The following NEGR1 variants were observed in gnomAD, a reference collection of about 807,000 sequenced individuals.
The protein encoded by NEGR1 is neuronal growth regulator 1.
NEGR1 carries 10 observed loss-of-function variants against 40.9 expected under a neutral mutation model. That is an observed-to-expected ratio of 0.24 (90% confidence interval 0.15 to 0.42). NEGR1 has a LOEUF of 0.42. Ranked by LOEUF, NEGR1 falls within the 10% of genes least tolerant of loss-of-function variation. The pLI, the probability that NEGR1 is intolerant of heterozygous loss-of-function variation, is 1.00. For synonymous variants in NEGR1, 185 were observed against 166.8 expected (o/e 1.11, Z -0.84); for missense variants, 352 against 438.9 (o/e 0.80, Z 1.77).
At chr1:71,897,643 T>A (rs1661009339) in intron 2 of NEGR1, among the ~76,000 whole-genome samples, 2 of 152,332 alleles carry the variant, frequency 1.3e-5, no homozygotes, top group African/African-American at 4.8e-5. Flanking sequence ...TAGAATGAAT[T>A]TACTGCCTAG....
In NEGR1 at chr1:71,407,425, G is replaced by A. The variant is rs755709503; in HGVS notation, c.*21C>T. The stretch of plus-strand genomic sequence containing the variant: ...CAGCACTTTCAGAGAATCCTTAAAA[G>A]CCTTTTATGGGTCTTTGAATTTATT... On this transcript the variant is annotated 3_prime_UTR_variant, in exon 7 of 7. Coordinates refer to ENST00000357731, the MANE Select transcript of NEGR1 (RefSeq NM_173808.3). 1.9e-6 allele frequency: 3 copies of A among 1,608,912 alleles called. No homozygotes were observed. The highest frequency in any genetic ancestry group is 2.2e-5 in the South Asian group (2 of 90,662).
chr1:72,252,171 T>TCTCGGCTCACCACAACCTCCATCTCCC (rs1553153926), intron 1 of NEGR1, among the ~76,000 whole-genome samples: 12 of 147,838 alleles, frequency 8.1e-5, no homozygotes, highest in African/African-American at 3.2e-4. Context: ...AATGGGGCGA[T>TCTCGGCTCACCACAACCTCCATCTCCC]GTAGCTGGGA....
At chr1:71,723,139 TG>T (rs1435366945) in intron 3 of NEGR1, among the ~76,000 whole-genome samples, 1 of 152,164 alleles carries the variant, frequency 6.6e-6, no homozygotes, top group Non-Finnish European at 1.5e-5. Flanking sequence ...GTAATTTGAC[TG>T]TAATGTGCCT....
chr1:72,220,666 A>G (rs1365193810), intron 1 of NEGR1, among the ~76,000 whole-genome samples: 1 of 152,042 alleles, frequency 6.6e-6, no homozygotes, highest in Admixed American at 6.6e-5. Context: ...CCTGTAACAG[A>G]ATTAAGATAT....
intron 1 of NEGR1, among the ~76,000 whole-genome samples, chr1:72,213,768 GC>G (rs1256437846): frequency 1.3e-5 from 2 of 151,974 alleles, no homozygotes; most frequent in Non-Finnish European, 2.9e-5. Flanking sequence ...CAGATTCACA[GC>G]TGAATTCTAC....
rs375715405 is a variant in NEGR1, at chr1:72,132,500, C to A, written c.176+149819G>T. 4.6e-5 allele frequency among the ~76,000 whole-genome samples: 7 copies of A among 152,146 alleles called. No homozygotes were observed. The East Asian group carries it at 1.2e-3, about 25-fold the overall frequency. On this transcript the variant is annotated intron_variant, in intron 1 of 6. Coordinates refer to ENST00000357731, the MANE Select transcript of NEGR1 (RefSeq NM_173808.3). ...CATGAAAACAAACAAACAAAATAAACAAACAAAAAACTTGGGTTTGAATGA... is the reference window on the plus strand; with the variant it reads ...CATGAAAACAAACAAACAAAATAAAAAAACAAAAAACTTGGGTTTGAATGA...
chr1:71,537,682 C>T (rs1028473087), intron 6 of NEGR1, among the ~76,000 whole-genome samples: 6 of 151,676 alleles, frequency 4.0e-5, no homozygotes, highest in Non-Finnish European at 7.4e-5. Context: ...GTTAGCATAA[C>T]AGAATTACAC....
chr1:72,153,220 A>G (rs1335212958), intron 1 of NEGR1, among the ~76,000 whole-genome samples: 1 of 151,926 alleles, frequency 6.6e-6, no homozygotes, highest in African/African-American at 2.4e-5. Context: ...GAAATAGGAA[A>G]CAAAGACATG....
intron 6 of NEGR1, among the ~76,000 whole-genome samples, chr1:71,550,588 A>T (rs1648042899): frequency 6.6e-6 from 1 of 151,440 alleles, no homozygotes; most frequent in Non-Finnish European, 1.5e-5. Context: ...AGGCCCACAA[A>T]TTCATACTTT....
At chr1:71,753,607 T>C (rs1455149888) in intron 3 of NEGR1, among the ~76,000 whole-genome samples, 2 of 152,186 alleles carry the variant, frequency 1.3e-5, no homozygotes, top group African/African-American at 2.4e-5. Context: ...GACTGTCTTC[T>C]GCCTGGGGAT....
intron 1 of NEGR1, among the ~76,000 whole-genome samples, chr1:72,252,284 T>A (rs1405963108): frequency 6.6e-6 from 1 of 152,248 alleles, no homozygotes; most frequent in Non-Finnish European, 1.5e-5. Context: ...CCTAACGTGA[T>A]CCACCCACCT....
chr1:71,606,723 A>C (rs1400855565), intron 5 of NEGR1, among the ~76,000 whole-genome samples: 1 of 151,444 alleles, frequency 6.6e-6, no homozygotes, highest in Admixed American at 6.6e-5. Context: ...ATGAGATAAA[A>C]GAATTCAAAG....
chr1:71,682,730 G>A (rs1652880635), intron 4 of NEGR1, among the ~76,000 whole-genome samples: 1 of 152,168 alleles, frequency 6.6e-6, no homozygotes, highest in South Asian at 2.1e-4. Context: ...TGGAGGCAAG[G>A]CCCCAGTGGG....
rs559016661 is a variant in NEGR1, at chr1:71,396,032, T to G, written c.*11414A>C. On this transcript the variant is annotated 3_prime_UTR_variant, in exon 7 of 7. Transcript: ENST00000357731. ...TGAAGCCCCATTCCAGAGAAGACAT[T>G]GCTTTTTATGATAGATCCAGGCAAC... 2.0e-5 allele frequency: 3 copies of G among 152,276 alleles called. No homozygotes were observed. The highest frequency in any genetic ancestry group is 3.9e-4 in the East Asian group (2 of 5,178). 9.4% of individuals were successfully genotyped at this position (152,276 alleles called of 1,614,324 possible). A position where few individuals can be genotyped will look rare whatever the true frequency, so the allele number is the denominator to read the frequency against.
chr1:71,935,935 A>AT (rs1205329772), intron 1 of NEGR1, among the ~76,000 whole-genome samples: 1 of 152,130 alleles, frequency 6.6e-6, no homozygotes, highest in African/African-American at 2.4e-5. Flanking sequence ...AGTAGCTGGG[A>AT]TTACAAGCGC....
At chr1:71,877,052 CTG>C (rs139901009) in intron 2 of NEGR1, among the ~76,000 whole-genome samples, 3,108 of 151,680 alleles carry the variant, frequency 0.02, 68 homozygotes, top group South Asian at 0.1. Flanking sequence ...GCAACAAAGA[CTG>C]TACAGATTAG....
At chr1:71,927,671 G>A (rs1255362723) in intron 2 of NEGR1, among the ~76,000 whole-genome samples, 1 of 151,482 alleles carries the variant, frequency 6.6e-6, no homozygotes, top group Non-Finnish European at 1.5e-5. Context: ...ACTGGATAAA[G>A]TACCTGGGGA....
At chr1:71,932,574 C>G (rs1175661594) in intron 2 of NEGR1, among the ~76,000 whole-genome samples, 2 of 152,008 alleles carry the variant, frequency 1.3e-5, no homozygotes, top group South Asian at 4.2e-4. Context: ...GATAATATAT[C>G]CCCTTTTTAT....
At chr1:72,147,475 G>T (rs1410345345) in intron 1 of NEGR1, among the ~76,000 whole-genome samples, 1 of 152,072 alleles carries the variant, frequency 6.6e-6, no homozygotes, top group Admixed American at 6.6e-5. Flanking sequence ...GGACACATGG[G>T]AATTCTGGGA....
Sources: allele counts gnomAD v4.1 joint callset (sites outside exome capture counted in the v4.1 genomes callset), GRCh38; gene constraint gnomAD v4.1.1; transcripts MANE v1.5; gene names NCBI Gene and HGNC (gene_info 2026-07-23, HGNC 2026-07-21).